The following NKTR variants were observed in gnomAD, a reference collection of about 807,000 sequenced individuals.
NKTR encodes natural killer cell triggering receptor, also known as NK-tumor recognition protein.
A neutral mutation model predicts 156.3 loss-of-function variants in NKTR; 67 were observed. The observed-to-expected ratio is 0.43, with a 90% CI of 0.35 to 0.53. The LOEUF (loss-of-function observed/expected upper bound fraction) is 0.53, where lower values mean the gene tolerates loss of function less well. NKTR is among the 20% of genes least tolerant of loss of function. The probability of loss-of-function intolerance (pLI) is 0.01; values close to 1 mark genes in which losing one functional copy is unlikely to be tolerated. For missense variants in NKTR, 1,604 were observed against 1,730.9 expected (o/e 0.93, Z 1.30); for synonymous variants, 640 against 596.6 (o/e 1.07, Z -1.06).
In NKTR at chr3:42,619,013, TTTC is replaced by T; in HGVS notation, c.134-6_134-4del. On this transcript the variant is annotated splice_polypyrimidine_tract_variant and splice_region_variant and intron_variant, in intron 3 of 16. Coordinates refer to ENST00000232978, the MANE Select transcript of NKTR (RefSeq NM_005385.4). ...ACTTCATTTCTTTTTTTTTTTTTTT[TTTC>T]CAGGAGAGAAAGGCCTTGGGAAAAC... 1.9e-6 allele frequency: 3 copies of T among 1,566,386 alleles called. No homozygotes were observed. Among genetic ancestry groups the T allele is most frequent in the African/African-American group, 1.4e-5 (1 of 71,826 alleles).
chr3:42,632,126 G>C (rs1708972840), intron 8 of NKTR, among the ~76,000 whole-genome samples: 1 of 143,112 alleles, frequency 7.0e-6, no homozygotes, highest in African/African-American at 2.6e-5. Context: ...CTGGAGTGCA[G>C]TGGCACTATC....
At chr3:42,628,870 C>T (rs766726375) in intron 6 of NKTR, 8 of 246,196 alleles carry the variant, frequency 3.2e-5, no homozygotes, top group Admixed American at 6.5e-5. Context: ...GGCCTGGTGG[C>T]GCATGCCTAT....
chr3:42,642,395 GCCTTTCTTCT>G, intron 13 of NKTR, 96 bp from the exon 14 acceptor site: 1 of 750,122 alleles, frequency 1.3e-6, no homozygotes. Flanking sequence ...TTTGTGAGAG[GCCTTTCTTCT>G]TGTTGTGTTT....
At chr3:42,644,064 G>A in intron 16 of NKTR, 61 bp downstream of exon 16, 1 of 1,060,590 alleles carries the variant, frequency 9.4e-7, no homozygotes. Flanking sequence ...CACTTGATGT[G>A]GGAGGGTGAT....
At chr3:42,604,659 C>CCTTTTT (rs1706021574) in intron 2 of NKTR, among the ~76,000 whole-genome samples, 2 of 45,282 alleles carry the variant, frequency 4.4e-5, no homozygotes, top group Non-Finnish European at 8.0e-5. Context: ...TATTTCTCTC[C>CCTTTTT]TTTTTTTTTT....
Position 42,639,051 on chromosome 3 carries a change from C to A in NKTR, c.3347C>A (p.Pro1116His). ...QNIQHVEESV[P>H]NGVEDVLQTD... ...ATTCAGCACGTTGAAGAAAGTGTTC[C>A]CAATGGAGTGGAAGATGTGCTTCAA... Residue 1116 changes from proline (P) to histidine (H), a missense_variant, in exon 13 of 17, where the codon CCC (proline) becomes CAC (histidine). By Grantham distance (77) the Pro-to-His change is moderately conservative. This residue lies in a region of NKTR where 1,255 missense variants were observed against 1,243.7 expected (regional missense o/e 1.01). Coordinates refer to ENST00000232978, the MANE Select transcript of NKTR (RefSeq NM_005385.4). 1.9e-6 allele frequency: 3 copies of A among 1,613,962 alleles called. No homozygotes were observed. The highest frequency in any genetic ancestry group is 2.5e-6 in the Non-Finnish European group (3 of 1,179,952).
intron 2 of NKTR, among the ~76,000 whole-genome samples, chr3:42,614,581 G>A (rs958168452): frequency 2.0e-5 from 3 of 152,044 alleles, no homozygotes; most frequent in Non-Finnish European, 4.4e-5. Flanking sequence ...TTGCTAATGA[G>A]CTTCAGTTCA....
intron 5 of NKTR, 39 bp downstream of exon 5, chr3:42,619,747 G>A: frequency 1.2e-6 from 2 of 1,603,634 alleles, no homozygotes; most frequent in Non-Finnish European, 1.7e-6. Context: ...TTTCAGTTCT[G>A]ATATTAAAGC....
chr3:42,644,037 C>CTA (rs1169646308), intron 16 of NKTR, 34 bp downstream of exon 16: 16 of 1,458,010 alleles, frequency 1.1e-5, no homozygotes, highest in Non-Finnish European at 1.2e-5. Flanking sequence ...CTTTATCGCA[C>CTA]TGTAGGCCAC....
rs529145206 is a variant in NKTR, at chr3:42,636,546, A to G, written c.1164-322A>G. Among the ~76,000 whole-genome samples the G allele has an allele frequency of 3.3e-5, 5 of 152,362 alleles. No individual in the cohort carries two copies. The South Asian group carries it at 8.3e-4, about 25-fold the overall frequency. ...CCTAGAGGCAGAGGGTTGTGAGCAG[A>G]TAACAGCCAGGAACTCTTGTGATTT... is the stretch of plus-strand genomic sequence containing the variant. On this transcript the variant is annotated intron_variant, in intron 12 of 16. Coordinates refer to ENST00000232978, the MANE Select transcript of NKTR (RefSeq NM_005385.4).
chr3:42,609,085 A>G (rs1172726784), intron 2 of NKTR, among the ~76,000 whole-genome samples: 3 of 151,978 alleles, frequency 2.0e-5, no homozygotes, highest in Non-Finnish European at 2.9e-5. Flanking sequence ...CAGAGATCAT[A>G]CCACTGCACT....
intron 2 of NKTR, among the ~76,000 whole-genome samples, chr3:42,611,618 A>G (rs992246995): frequency 6.6e-6 from 1 of 151,814 alleles, no homozygotes; most frequent in East Asian, 1.9e-4. Context: ...CTATAATCCT[A>G]GCTACTCGGG....
chr3:42,642,408 TTG>T (rs1709963558), intron 13 of NKTR, 91 bp from the exon 14 acceptor site: 5 of 895,670 alleles, frequency 5.6e-6, no homozygotes, highest in Non-Finnish European at 7.2e-6. Context: ...TTTCTTCTTG[TTG>T]TGTTTTCCCC....
Position 42,628,203 on chromosome 3 carries a change from A to C in NKTR, c.375-2343A>C. On this transcript the variant is annotated intron_variant, in intron 6 of 16. Transcript: ENST00000232978. ...TTTCTGTATCTTGAGTTGCAGATGC[A>C]AGTAATGGACTTTAATCATTCATAT... The C allele has an allele frequency of 7.1e-6, 7 of 985,414 alleles. No individual in the cohort carries two copies. The South Asian group carries it at 3.3e-4, about 46-fold the overall frequency. The allele number at this position is 985,414 out of a possible 1,614,324, so 61.0% of individuals were successfully genotyped here. A position where few individuals can be genotyped will look rare whatever the true frequency, so the allele number is the denominator to read the frequency against.
chr3:42,637,813 C>A lies in NKTR; in HGVS notation c.2109C>A (p.Ser703=). Reference sequence around the variant, plus strand: ...GATCTTCTAGGAGTAGATCTTATTCCAGATCATATACAAGATCACGTAGTC... The same window carrying A: ...GATCTTCTAGGAGTAGATCTTATTCAAGATCATATACAAGATCACGTAGTC... ...RSRSSRSRSY[S]RSYTRSRSLA... The change falls in exon 13 of 17, where the codon TCC becomes TCA. Residue 703 remains serine (S), a synonymous_variant. Transcript: ENST00000232978. The A allele has an allele frequency of 1.2e-6, 2 of 1,613,720 alleles. No individual in the cohort carries two copies. The highest frequency in any genetic ancestry group is 1.7e-6 in the Non-Finnish European group (2 of 1,179,828).
intron 11 of NKTR, 164 bp from the exon 12 acceptor site, chr3:42,635,057 T>TAAAAAAAAAAAAAAAAAAAAAAAAAAAAA (rs58779310): frequency 7.3e-6 from 2 of 273,634 alleles, no homozygotes. Flanking sequence ...AGTTAAAAAC[T>TAAAAAAAAAAAAAAAAAAAAAAAAAAAAA]AAAAAAAAAA....
Position 42,637,366 on chromosome 3 carries a change from T to C in NKTR, c.1662T>C (p.Ser554=). 1 of 1,614,128 alleles carries C rather than the reference T, an allele frequency of 6.2e-7. No homozygotes were observed. Among genetic ancestry groups the C allele is most frequent in the Non-Finnish European group, 8.5e-7 (1 of 1,179,986 alleles). The stretch of plus-strand genomic sequence containing the variant: ...GAAGTAGATCAAAGTCCAGATCTAG[T>C]TCCAAGTCTGGGCACCGAAAGAGAG... ...HSRSRSKSRS[S]SKSGHRKRAS... is the part of the protein sequence containing the mutation. Residue 554 remains serine (S), a synonymous_variant, in exon 13 of 17, where the codon AGT becomes AGC. Coordinates refer to ENST00000232978, the MANE Select transcript of NKTR (RefSeq NM_005385.4).
chr3:42,636,145 ATAC>A (rs1250759134), intron 12 of NKTR, among the ~76,000 whole-genome samples: 1 of 152,182 alleles, frequency 6.6e-6, no homozygotes, highest in African/African-American at 2.4e-5. Flanking sequence ...AGTGAAAAAT[ATAC>A]TAATGGGACC....
At chr3:42,608,845 G>T (rs1483513416) in intron 2 of NKTR, among the ~76,000 whole-genome samples, 1 of 152,188 alleles carries the variant, frequency 6.6e-6, no homozygotes, top group African/African-American at 2.4e-5. Flanking sequence ...CAAATAGTAG[G>T]CTGGGTGTGG....
Sources: allele counts gnomAD v4.1 joint callset (sites outside exome capture counted in the v4.1 genomes callset), GRCh38; gene constraint gnomAD v4.1.1; regional missense constraint gnomAD v4.1.1; transcripts MANE v1.5; gene names NCBI Gene and HGNC (gene_info 2026-07-23, HGNC 2026-07-21).